The following SH3GLB1 variants were observed in gnomAD, a reference collection of about 807,000 sequenced individuals.
The protein encoded by SH3GLB1 is SH3 domain containing GRB2 like, endophilin B1.
A neutral mutation model predicts 42.0 loss-of-function variants in SH3GLB1; 17 were observed. That is an observed-to-expected ratio of 0.40 (90% CI 0.28 to 0.61). The LOEUF is 0.61. Among genes scored for constraint, SH3GLB1 ranks in the 20% least tolerant of loss-of-function variants. The pLI is 0.36. For synonymous variants in SH3GLB1, 132 were observed against 146.6 expected, an observed-to-expected ratio of 0.90 and a Z score of 0.72; for missense variants, 355 against 426.3, an observed-to-expected ratio of 0.83 and a Z score of 1.47.
At chr1:86,724,890 A>ATATATATATATAT (rs1349915743) in intron 5 of SH3GLB1, among the ~76,000 whole-genome samples, 2 of 102,962 alleles carry the variant, frequency 1.9e-5, no homozygotes, top group South Asian at 2.8e-4. Flanking sequence ...AAAAAAAAAA[A>ATATATATATATAT]AAATATATAT....
At chr1:86,720,761 G>A (rs1198728579) in intron 3 of SH3GLB1, among the ~76,000 whole-genome samples, 2 of 152,170 alleles carry the variant, frequency 1.3e-5, no homozygotes, top group East Asian at 3.8e-4. Context: ...TTAAGCTTTA[G>A]TAGTTATCTT....
chr1:86,735,358 T>G (rs565290560), intron 7 of SH3GLB1, among the ~76,000 whole-genome samples, 179 bp downstream of exon 7: 1 of 152,354 alleles, frequency 6.6e-6, no homozygotes, highest in African/African-American at 2.4e-5. Flanking sequence ...TGAGCTTTTC[T>G]GGCACAGAGG....
intron 1 of SH3GLB1, among the ~76,000 whole-genome samples, chr1:86,710,482 C>A (rs760032898): frequency 6.6e-6 from 1 of 152,116 alleles, no homozygotes; most frequent in Non-Finnish European, 1.5e-5. Flanking sequence ...CCAGGCTAGT[C>A]TCGAACTCCT....
chr1:86,708,957 A>G (rs1303689713), intron 1 of SH3GLB1, among the ~76,000 whole-genome samples: 1 of 152,188 alleles, frequency 6.6e-6, no homozygotes. Flanking sequence ...TCCTTAAGAT[A>G]CAACTTTATT....
intron 1 of SH3GLB1, among the ~76,000 whole-genome samples, chr1:86,708,474 A>G (rs995618887): frequency 6.6e-6 from 1 of 152,220 alleles, no homozygotes; most frequent in Admixed American, 6.5e-5. Context: ...AAAATTAAAC[A>G]TGTTTCTTGT....
rs41287735 is a variant in SH3GLB1 at position 86,745,736 on chromosome 1, T to A, written c.*2501T>A. 0.018 allele frequency: 2,767 copies of A among 152,298 alleles called. 41 individuals carry two copies. Among genetic ancestry groups the A allele is most frequent in the African/African-American group, 0.034 (1,433 of 41,554 alleles). The allele number at this position is 152,298 out of a possible 1,614,324, so 9.4% of individuals were successfully genotyped here. ...TTTGGGTTTTATTTTGGTTTTGGCT[T>A]ATTTTAAAGTCAAGTTTAGTTTTTA... On this transcript the variant is annotated 3_prime_UTR_variant, in exon 9 of 9. Transcript: ENST00000370558.
chr1:86,724,960 C>T (rs368857750), intron 5 of SH3GLB1, among the ~76,000 whole-genome samples: 12 of 127,516 alleles, frequency 9.4e-5, no homozygotes, highest in African/African-American at 3.7e-4. Context: ...ATATATAATA[C>T]ATATGTGTAT....
chr1:86,721,401 A>G (rs1654849214), intron 3 of SH3GLB1, among the ~76,000 whole-genome samples: 2 of 152,184 alleles, frequency 1.3e-5, no homozygotes, highest in Non-Finnish European at 2.9e-5. Flanking sequence ...AGTAATTCAA[A>G]TGAAGATCTG....
At chr1:86,709,812 A>G (rs1443113100) in intron 1 of SH3GLB1, among the ~76,000 whole-genome samples, 2 of 152,230 alleles carry the variant, frequency 1.3e-5, no homozygotes, top group Non-Finnish European at 1.5e-5. Flanking sequence ...TTCTTAAAAT[A>G]TAGTTTTGAG....
Position 86,742,582 on chromosome 1 carries a change from A to G in SH3GLB1, c.990+146A>G, listed in dbSNP as rs901230727. 1.9e-5 allele frequency: 10 copies of G among 524,590 alleles called. No homozygotes were observed. In the African/African-American group the frequency reaches 1.9e-4, roughly 10 times the overall value. 32.5% of individuals were successfully genotyped at this position (524,590 alleles called of 1,614,324 possible). ...ATATTAACATAAAATTTTAATTAAT[A>G]TTCTTTAATAGAATATCATAGAAAT... On this transcript the variant is annotated intron_variant, in intron 8 of 8. Transcript: ENST00000370558.
intron 5 of SH3GLB1, among the ~76,000 whole-genome samples, chr1:86,733,616 T>C (rs1655627808): frequency 6.6e-6 from 1 of 152,200 alleles, no homozygotes; most frequent in Admixed American, 6.5e-5. Context: ...TTTATTTCTC[T>C]TTCCCACTTA....
rs6693019 is a variant in SH3GLB1, at chr1:86,744,692, A to G, written c.*1457A>G. The G allele has an allele frequency of 1.3e-3, 200 of 152,336 alleles. 2 individuals are homozygous for G. The highest frequency in any genetic ancestry group is 4.7e-3 in the African/African-American group (194 of 41,590). The allele number at this position is 152,336 out of a possible 1,614,324, so 9.4% of individuals were successfully genotyped here. ...AGCTATTAAAATGATACTTTTTGGT[A>G]CTTTTAAAAAAATGAATACTTAAAC... On this transcript the variant is annotated 3_prime_UTR_variant, in exon 9 of 9. Coordinates refer to ENST00000370558, the MANE Select transcript of SH3GLB1 (RefSeq NM_016009.5).
intron 8 of SH3GLB1, 80 bp downstream of exon 8, chr1:86,742,516 C>A: frequency 9.9e-7 from 1 of 1,014,550 alleles, no homozygotes. Context: ...GCAAATTCCT[C>A]ATTAGTTATT....
At chr1:86,731,448 C>T (rs752063583) in intron 5 of SH3GLB1, among the ~76,000 whole-genome samples, 3 of 152,114 alleles carry the variant, frequency 2.0e-5, no homozygotes, top group Non-Finnish European at 4.4e-5. Context: ...TCTTATCCCC[C>T]CTTTGTGAGT....
intron 4 of SH3GLB1, among the ~76,000 whole-genome samples, chr1:86,723,886 T>C (rs990847384): frequency 2.6e-5 from 4 of 152,178 alleles, no homozygotes; most frequent in African/African-American, 9.7e-5. Flanking sequence ...AATGACGTTT[T>C]GGGCTGCACA....
At chr1:86,718,613 G>C (rs1654688553) in intron 2 of SH3GLB1, among the ~76,000 whole-genome samples, 1 of 152,102 alleles carries the variant, frequency 6.6e-6, no homozygotes, top group East Asian at 1.9e-4. Flanking sequence ...GCATGCGTAG[G>C]AATCTATGTG....
intron 4 of SH3GLB1, 89 bp downstream of exon 4, chr1:86,722,762 A>G (rs1387315056): frequency 9.4e-7 from 1 of 1,058,956 alleles, no homozygotes; most frequent in Non-Finnish European, 1.3e-6. Context: ...ATGACTGTGT[A>G]GATGTAGTGG....
At chr1:86,742,540 A>G (rs968772889) in intron 8 of SH3GLB1, 104 bp downstream of exon 8, 2 of 729,756 alleles carry the variant, frequency 2.7e-6, no homozygotes, top group Non-Finnish European at 4.6e-6. Flanking sequence ...AAATGGTTTC[A>G]TAGATTACAG....
intron 5 of SH3GLB1, among the ~76,000 whole-genome samples, chr1:86,725,066 A>G (rs1340665046): frequency 6.7e-6 from 1 of 150,222 alleles, no homozygotes; most frequent in African/African-American, 2.4e-5. Context: ...GTAGCTCCTA[A>G]TGTGTCATTT....
Sources: gnomAD v4.1 joint callset for allele counts (sites outside exome capture counted in the v4.1 genomes callset) on GRCh38, gnomAD v4.1.1 for gene constraint, MANE v1.5 for transcripts, NCBI Gene and HGNC (gene_info 2026-07-23, HGNC 2026-07-21) for gene names.